Variants in ADAR observed in about 807,000 individuals in gnomAD.
ADAR encodes the protein adenosine deaminase RNA specific, also known as double-stranded RNA-specific adenosine deaminase.
In ADAR, 41 loss-of-function variants were observed where a neutral mutation model predicts 113.2. The observed-to-expected ratio is 0.36, with a 90% CI of 0.28 to 0.47. ADAR has a LOEUF of 0.47. ADAR is among the 20% of genes least tolerant of loss of function. ADAR has a pLI of 1.00. For missense variants in ADAR, 1,242 were observed against 1,540.9 expected, an observed-to-expected ratio of 0.81 and a Z score of 3.25; for synonymous variants, 605 against 572.6, an observed-to-expected ratio of 1.06 and a Z score of -0.81.
intron 1 of ADAR, among the ~76,000 whole-genome samples, chr1:154,620,179 C>A (rs1304716367): frequency 5.3e-5 from 8 of 152,126 alleles, no homozygotes; most frequent in Non-Finnish European, 8.8e-5. Flanking sequence ...GAGGCCAAGG[C>A]GGGTGGACCA....
chr1:154,598,049 G>A, intron 3 of ADAR, 73 bp from the exon 4 acceptor site: 1 of 1,532,522 alleles, frequency 6.5e-7, no homozygotes, highest in South Asian at 1.2e-5. Context: ...AAGAAGGGAT[G>A]GGGATGGGGG....
intron 13 of ADAR, 49 bp downstream of exon 13, chr1:154,585,704 G>A (rs769095301): frequency 1.3e-6 from 2 of 1,488,210 alleles, no homozygotes; most frequent in Non-Finnish European, 9.4e-7. Context: ...TTACATGACT[G>A]CTTGAAAAGG....
At chr1:154,627,821 GGCAGGTGTA>G (rs765871925) in intron 1 of ADAR, 3 of 516,740 alleles carry the variant, frequency 5.8e-6, no homozygotes, top group Middle Eastern at 6.2e-4. Context: ...TTCCAGCCCA[GGCAGGTGTA>G]GCCGAGAAGG....
intron 13 of ADAR, 97 bp downstream of exon 13, chr1:154,585,656 A>C (rs935297294): frequency 8.1e-6 from 9 of 1,110,104 alleles, no homozygotes; most frequent in Non-Finnish European, 1.2e-5. Context: ...CACTGTGGGC[A>C]ATGTTCCCCT....
Position 154,589,923 on chromosome 1 carries a change from A to G in ADAR, c.2502T>C (p.Pro834=), listed in dbSNP as rs755430740. The G allele has an allele frequency of 1.9e-6, 3 of 1,613,970 alleles. No individual in the cohort carries two copies. The highest frequency in any genetic ancestry group is 3.3e-5 in the Admixed American group (2 of 59,980). Residue 834 remains proline (P), a synonymous_variant, in exon 8 of 15, where the codon CCT becomes CCC. Coordinates refer to ENST00000368474, the MANE Select transcript of ADAR (RefSeq NM_001111.5). ...RSPEAQPKTL[P]LTGSTFHDQI... Reference sequence around the variant, plus strand: ...GGTCATGGAAGGTGCTGCCAGTGAGAGGGAGCTGTGGGGAAAAGAGGCTGT... The same window carrying G: ...GGTCATGGAAGGTGCTGCCAGTGAGGGGGAGCTGTGGGGAAAAGAGGCTGT...
chr1:154,597,935 G>A lies in ADAR; in HGVS notation c.1827C>T (p.Phe609=), dbSNP rs755344622. 1 of 1,613,990 alleles carries A rather than the reference G, an allele frequency of 6.2e-7. No homozygotes were observed. The highest frequency in any genetic ancestry group is 2.2e-5 in the East Asian group (1 of 44,858). ...TGGTGACGGGGCTCTTCCCAGAAAA[G>A]AAGGATGTGGCTGAAGGGGTGGGGG... The part of the protein sequence containing the change: ...SQTPTPSATS[F]FSGKSPVTTL... Residue 609 remains phenylalanine (F), a synonymous_variant, in exon 4 of 15, where the codon TTC becomes TTT. Transcript: ENST00000368474.
In ADAR at chr1:154,608,030, C is replaced by A; in HGVS notation, c.-24G>T. On this transcript the variant is annotated 5_prime_UTR_variant, in exon 1 of 15. Transcript: ENST00000368474. ...ATTGCGCCCGCGAGGCATTGCCCGG[C>A]CCGACCCGCCGGCGGCACGACCCTG... 1 of 1,570,958 alleles carries A rather than the reference C, an allele frequency of 6.4e-7. No homozygotes were observed. The highest frequency in any genetic ancestry group is 8.6e-7 in the Non-Finnish European group (1 of 1,157,560).
At chr1:154,595,023 G>A (rs1697404435) in intron 6 of ADAR, among the ~76,000 whole-genome samples, 1 of 152,180 alleles carries the variant, frequency 6.6e-6, no homozygotes, top group Non-Finnish European at 1.5e-5. Flanking sequence ...GTAAGATTAT[G>A]ATGGAGCTGA....
chr1:154,612,549 G>C (rs1267028494), upstream of ADAR, among the ~76,000 whole-genome samples: 1 of 151,082 alleles, frequency 6.6e-6, no homozygotes, highest in Admixed American at 6.6e-5. Context: ...GGATGGTCTC[G>C]ATCTCCTGAC....
intron 1 of ADAR, among the ~76,000 whole-genome samples, chr1:154,606,960 CTT>C (rs1557895312): frequency 9.4e-5 from 12 of 127,028 alleles, no homozygotes; most frequent in East Asian, 6.7e-4. Context: ...ATATATATAT[CTT>C]AACAAAATTG....
chr1:154,626,894 A>G (rs1169357371), intron 1 of ADAR, among the ~76,000 whole-genome samples: 1 of 152,206 alleles, frequency 6.6e-6, no homozygotes, highest in Admixed American at 6.5e-5. Context: ...CTTTAAAAGG[A>G]TGGGAACAAG....
Position 154,608,180 on chromosome 1 carries a change from C to T in ADAR, c.-174G>A. The stretch of plus-strand genomic sequence containing the variant: ...TCTGCGCGCCGGGCCCAAGATGGCT[C>T]CGGTTCAATTTCGCTTTCGTTTCCT... On this transcript the variant is annotated 5_prime_UTR_variant, in exon 1 of 15. Coordinates refer to ENST00000368474, the MANE Select transcript of ADAR (RefSeq NM_001111.5). The T allele has an allele frequency of 1.3e-6, 1 of 752,074 alleles. No individual in the cohort carries two copies. The highest frequency in any genetic ancestry group is 2.0e-6 in the Non-Finnish European group (1 of 502,196). 46.6% of individuals were successfully genotyped at this position (752,074 alleles called of 1,614,324 possible).
rs1222149445 is a variant in ADAR, at chr1:154,597,865, G to C, written c.1897C>G (p.Arg633Gly). ...GCAGGGCCTTCTTTGGACAGGAGACGGAATTCGCAGGAGTTCCCCAATTTG... is the reference window on the plus strand; with the variant it reads ...GCAGGGCCTTCTTTGGACAGGAGACCGAATTCGCAGGAGTTCCCCAATTTG... The part of the protein sequence containing the change: ...MHKLGNSCEF[R>G]LLSKEGPAHE... The change falls in exon 4 of 15, where the codon CGT (arginine) becomes GGT (glycine). Residue 633 changes from arginine to glycine, a missense_variant. This residue lies in a region of ADAR where 780 missense variants were observed against 1,057.9 expected (regional missense o/e 0.74). Coordinates refer to ENST00000368474, the MANE Select transcript of ADAR (RefSeq NM_001111.5). 3 of 1,614,162 alleles carry C rather than the reference G, an allele frequency of 1.9e-6. No homozygotes were observed. The highest frequency in any genetic ancestry group is 2.5e-6 in the Non-Finnish European group (3 of 1,180,028).
intron 1 of ADAR, among the ~76,000 whole-genome samples, chr1:154,615,323 C>A (rs1476499385): frequency 1.3e-5 from 2 of 152,082 alleles, no homozygotes; most frequent in Non-Finnish European, 2.9e-5. Flanking sequence ...CTTTGCTAGG[C>A]GAGATAGGAG....
intron 11 of ADAR, 92 bp from the exon 12 acceptor site, chr1:154,586,455 G>A (rs1696769823): frequency 1.6e-6 from 2 of 1,265,432 alleles, no homozygotes; most frequent in Non-Finnish European, 2.3e-6. Context: ...TGGGCCACAG[G>A]CTACATTCAT....
chr1:154,598,109 G>C, intron 3 of ADAR, 133 bp from the exon 4 acceptor site: 1 of 1,058,320 alleles, frequency 9.4e-7, no homozygotes, highest in Non-Finnish European at 1.4e-6. Flanking sequence ...AGTTAAAGGG[G>C]CTGCTGGAGC....
At chr1:154,603,818 ACT>A (rs1223677419) in intron 1 of ADAR, among the ~76,000 whole-genome samples, 2 of 151,690 alleles carry the variant, frequency 1.3e-5, no homozygotes, top group Non-Finnish European at 2.9e-5. Flanking sequence ...CCCTCCTCAG[ACT>A]CTCCTGGAGG....
intron 6 of ADAR, among the ~76,000 whole-genome samples, chr1:154,592,530 G>C (rs1011032801): frequency 6.6e-6 from 1 of 152,222 alleles, no homozygotes; most frequent in African/African-American, 2.4e-5. Context: ...GCTGACGCTG[G>C]AGGTGGAAAG....
At chr1:154,625,045 C>T (rs1432237314) in intron 1 of ADAR, among the ~76,000 whole-genome samples, 2 of 152,182 alleles carry the variant, frequency 1.3e-5, no homozygotes, top group African/African-American at 4.8e-5. Flanking sequence ...TTTCCACAAG[C>T]ATTTTCCGAA....
Sources: allele counts gnomAD v4.1 joint callset (sites outside exome capture counted in the v4.1 genomes callset), GRCh38; gene constraint gnomAD v4.1.1; regional missense constraint gnomAD v4.1.1; transcripts MANE v1.5; gene names NCBI Gene and HGNC (gene_info 2026-07-23, HGNC 2026-07-21).